HUWE1: variants seen among roughly 807,000 people sequenced by gnomAD.
HUWE1 encodes the protein HECT, UBA and WWE domain containing E3 ubiquitin protein ligase 1, also known as E3 ubiquitin-protein ligase HUWE1.
A neutral mutation model predicts 299.4 loss-of-function variants in HUWE1; 18 were observed. The observed-to-expected ratio is 0.06, with a 90% CI of 0.04 to 0.09. The LOEUF (loss-of-function observed/expected upper bound fraction) is 0.09. HUWE1 is among the 10% of genes least tolerant of loss of function. The pLI, the probability that HUWE1 is intolerant of heterozygous loss-of-function variation, is 1.00. For synonymous variants in HUWE1, 1,317 were observed against 1,286.1 expected (o/e 1.02, Z -0.51); for missense variants, 1,832 against 3,462.3 (o/e 0.53, Z 11.82).
At chrX:53,684,371 G>C (rs1479400606) in intron 2 of HUWE1, among the ~76,000 whole-genome samples, 1 of 111,948 alleles carries the variant, frequency 8.9e-6, no homozygotes, top group Non-Finnish European at 1.9e-5. Context: ...GTTTTTCGGG[G>C]GAAGGGAGGA....
rs1339460950 is a variant in HUWE1 at position 53,585,002 on chromosome X, G to A, written c.5001+10C>T. On this transcript the variant is annotated intron_variant, in intron 40 of 83. Coordinates refer to ENST00000262854, the MANE Select transcript of HUWE1 (RefSeq NM_031407.7). ...CACGGGTTAGACAAGCTTGGTGAGT[G>A]AGCATGTACCTGCACCATTGTAGTG... is the stretch of plus-strand genomic sequence containing the variant. The A allele has an allele frequency of 3.3e-6, 4 of 1,211,317 alleles. No homozygotes were observed. Among genetic ancestry groups the A allele is most frequent in the Non-Finnish European group, 4.5e-6 (4 of 895,032 alleles).
chrX:53,562,720 A>AT, intron 53 of HUWE1, 111 bp downstream of exon 53: 1 of 594,762 alleles, frequency 1.7e-6, no homozygotes, highest in Non-Finnish European at 2.9e-6. Flanking sequence ...ATGCAGACAG[A>AT]TGCTTCCTTA....
At chrX:53,547,040 C>G (rs1237186718) in intron 68 of HUWE1, among the ~76,000 whole-genome samples, 1 of 112,071 alleles carries the variant, frequency 8.9e-6, no homozygotes, top group African/African-American at 3.2e-5. Flanking sequence ...GTTGCCCAAG[C>G]TAGAATGCAG....
At chrX:53,562,975 C>T in intron 52 of HUWE1, 46 bp from the exon 53 acceptor site, 1 of 1,069,189 alleles carries the variant, frequency 9.4e-7, no homozygotes, top group East Asian at 3.0e-5. Flanking sequence ...AGAGGACTTC[C>T]CTTTCCAGAC....
intron 75 of HUWE1, among the ~76,000 whole-genome samples, chrX:53,539,321 A>T (rs1314923899): frequency 4.0e-4 from 17 of 42,321 alleles, no homozygotes; most frequent in Middle Eastern, 0.013. Flanking sequence ...TTTCTGATTT[A>T]AAAAAAAAAA....
intron 8 of HUWE1, 51 bp downstream of exon 8, chrX:53,634,185 G>A (rs1557024839): frequency 1.0e-6 from 1 of 961,590 alleles, no homozygotes; most frequent in South Asian, 1.9e-5. Flanking sequence ...AAGGTTCACA[G>A]AGAGGCCACA....
intron 19 of HUWE1, 151 bp downstream of exon 19, chrX:53,624,444 C>A: frequency 2.0e-6 from 1 of 500,698 alleles, no homozygotes. Flanking sequence ...TTGTAGTGAG[C>A]CAAGATTGCG....
intron 19 of HUWE1, among the ~76,000 whole-genome samples, chrX:53,624,137 T>C (rs1187615714): frequency 1.8e-5 from 2 of 111,654 alleles, no homozygotes; most frequent in African/African-American, 3.3e-5. Flanking sequence ...GATTTTACTA[T>C]TGACATTTGT....
At chrX:53,607,031 C>T (rs2148698350) in intron 25 of HUWE1, among the ~76,000 whole-genome samples, 1 of 111,429 alleles carries the variant, frequency 9.0e-6, no homozygotes, top group South Asian at 3.7e-4. Context: ...GAGCAATGAA[C>T]TACCATGTCA....
At chrX:53,546,862 G>A (rs1556923460) in intron 68 of HUWE1, 37 bp from the exon 69 acceptor site, 1 of 1,189,342 alleles carries the variant, frequency 8.4e-7, no homozygotes. Flanking sequence ...AAGCCTCTCT[G>A]AAACTCACAA....
intron 19 of HUWE1, among the ~76,000 whole-genome samples, chrX:53,621,960 G>A (rs1603155538): frequency 8.9e-6 from 1 of 112,327 alleles, no homozygotes; most frequent in African/African-American, 3.2e-5. Flanking sequence ...GGCAGGAGGT[G>A]AGAAAGAAGA....
intron 41 of HUWE1, 105 bp downstream of exon 41, chrX:53,584,081 C>CT (rs2063749089): frequency 1.1e-6 from 1 of 882,468 alleles, no homozygotes; most frequent in Admixed American, 2.2e-5. Flanking sequence ...GCCTACGTAT[C>CT]TTTAATCTGT....
intron 28 of HUWE1, 26 bp from the exon 29 acceptor site, chrX:53,600,335 TA>T: frequency 1.9e-6 from 2 of 1,077,033 alleles, no homozygotes; most frequent in Non-Finnish European, 2.6e-6. Context: ...AGGGGAGCAA[TA>T]GGACAATGTA....
chrX:53,646,588 G>C lies in HUWE1; in HGVS notation c.351+780C>G, dbSNP rs781891935. Among the ~76,000 whole-genome samples, 5 of 112,031 alleles carry C rather than the reference G, an allele frequency of 4.5e-5. No homozygotes were observed. In the East Asian group the frequency reaches 1.4e-3, roughly 31 times the overall value. Reference sequence around the variant, plus strand: ...AGTTGCCAATTATACCGAAGGTCATGGACTTCCATGGGCAGCATATCTATT... The same window carrying C: ...AGTTGCCAATTATACCGAAGGTCATCGACTTCCATGGGCAGCATATCTATT... On this transcript the variant is annotated intron_variant, in intron 6 of 83. Transcript: ENST00000262854.
intron 22 of HUWE1, 56 bp downstream of exon 22, chrX:53,615,688 A>C: frequency 1.0e-6 from 1 of 986,173 alleles, no homozygotes; most frequent in Non-Finnish European, 1.4e-6. Context: ...AATCTTCTAA[A>C]ACCTTCCCCT....
intron 68 of HUWE1, 104 bp downstream of exon 68, chrX:53,547,569 C>T (rs1369505290): frequency 8.9e-7 from 1 of 1,128,267 alleles, no homozygotes. Flanking sequence ...AAACACAAAC[C>T]AAGCTGATTG....
chrX:53,605,647 T>C (rs781796134), intron 25 of HUWE1, among the ~76,000 whole-genome samples: 5 of 112,393 alleles, frequency 4.4e-5, no homozygotes, highest in African/African-American at 1.6e-4. Flanking sequence ...AATGCTGTTT[T>C]TTGTTTTGGT....
chrX:53,627,528 G>A lies in HUWE1; in HGVS notation c.1384-13C>T. 2 of 1,094,753 alleles carry A rather than the reference G, an allele frequency of 1.8e-6. No individual in the cohort carries two copies. The highest frequency in any genetic ancestry group is 2.5e-6 in the Non-Finnish European group (2 of 792,942). The allele number at this position is 1,094,753 out of a possible 1,213,427, so 90.2% of individuals were successfully genotyped here. On this transcript the variant is annotated splice_polypyrimidine_tract_variant and intron_variant, in intron 16 of 83. Transcript: ENST00000262854. ...AATCTACTTCATGCTACAATCAAGA[G>A]AAAGGTTATAAGAAAATCAAGTATA...
chrX:53,631,595 T>C lies in HUWE1; in HGVS notation c.665A>G (p.His222Arg). The part of the protein sequence containing the change: ...IEKRTTSNTL[H>R]YIHIEQLDKI... ...GTCAAGTTGCTCTATGTGAATATAA[T>C]GTAGTGTGTTACTAGTTGTCTAAAA... is the stretch of plus-strand genomic sequence containing the variant. The change falls in exon 10 of 84, where the codon CAT becomes CGT. Residue 222 changes from histidine (H) to arginine (R), a missense_variant. His to Arg is a conservative substitution (Grantham distance 29). Transcript: ENST00000262854. 5 of 1,194,171 alleles carry C rather than the reference T, an allele frequency of 4.2e-6. No homozygotes were observed. The highest frequency in any genetic ancestry group is 5.7e-6 in the Non-Finnish European group (5 of 880,347).
Sources: allele counts gnomAD v4.1 joint callset (sites outside exome capture counted in the v4.1 genomes callset), GRCh38; gene constraint gnomAD v4.1.1; transcripts MANE v1.5; gene names NCBI Gene and HGNC (gene_info 2026-07-23, HGNC 2026-07-21).